The following CST7 variants were observed in gnomAD, a reference collection of about 807,000 sequenced individuals.
CST7 encodes cystatin-F.
A neutral mutation model predicts 13.1 loss-of-function variants in CST7; 15 were observed. That is an observed-to-expected ratio of 1.14 (90% CI 0.77 to 1.76). CST7 has a LOEUF of 1.76. Among genes scored for constraint, CST7 ranks in the 40% most tolerant of loss-of-function variants. CST7 has a pLI of 0.00. For missense variants in CST7, 193 were observed against 178.8 expected (o/e 1.08, Z -0.45); for synonymous variants, 75 against 66.9 (o/e 1.12, Z -0.59).
At chr20:24,958,765 C>T (rs1213160546) in intron 2 of CST7, among the ~76,000 whole-genome samples, 163 bp from the exon 3 acceptor site, 1 of 152,130 alleles carries the variant, frequency 6.6e-6, no homozygotes, top group Non-Finnish European at 1.5e-5. Context: ...TGGGAGGGGT[C>T]TGCAGGCTCT....
At chr20:24,953,723 G>A (rs914140234) in intron 1 of CST7, among the ~76,000 whole-genome samples, 7 of 152,204 alleles carry the variant, frequency 4.6e-5, no homozygotes, top group African/African-American at 1.7e-4. Context: ...GGGTCAGGCT[G>A]CCCCGGCAGG....
rs1002083702 is a variant in CST7 at position 24,949,563 on chromosome 20, G to A, written c.58G>A (p.Gly20Ser). Residue 20 changes from glycine (G) to serine (S), a missense_variant, in exon 1 of 4, where the codon GGC becomes AGC. Transcript: ENST00000480798. The part of the protein sequence containing the change: ...FCCLVLSTTG[G>S]PSPDTCSQDL... ...CTGCCTGGTCTTGAGCACCACTGGG[G>A]GCCCTTCCCCAGGTAAGTGGCGTTC... The A allele has an allele frequency of 3.7e-6, 6 of 1,614,094 alleles. No homozygotes were observed. The highest frequency in any genetic ancestry group is 5.1e-6 in the Non-Finnish European group (6 of 1,180,026).
intron 1 of CST7, among the ~76,000 whole-genome samples, chr20:24,955,712 G>A (rs998818856): frequency 6.6e-6 from 1 of 152,204 alleles, no homozygotes; most frequent in Non-Finnish European, 1.5e-5. Flanking sequence ...GCCTCCCAAA[G>A]TGCTGGGATT....
intron 1 of CST7, among the ~76,000 whole-genome samples, chr20:24,952,164 T>C (rs1312817647): frequency 6.6e-6 from 1 of 152,238 alleles, no homozygotes; most frequent in East Asian, 1.9e-4. Context: ...GATATATTGA[T>C]AATGATTACA....
At chr20:24,950,926 A>T (rs2087815150) in intron 1 of CST7, among the ~76,000 whole-genome samples, 1 of 152,126 alleles carries the variant, frequency 6.6e-6, no homozygotes, top group African/African-American at 2.4e-5. Context: ...CCTGGAGGGG[A>T]CATGGAGCCA....
At chr20:24,956,131 C>A (rs959751432) in intron 1 of CST7, among the ~76,000 whole-genome samples, 3 of 152,196 alleles carry the variant, frequency 2.0e-5, no homozygotes, top group Admixed American at 6.5e-5. Flanking sequence ...CCACTCCCGG[C>A]GCTGCACCAC....
intron 1 of CST7, among the ~76,000 whole-genome samples, chr20:24,952,078 C>T (rs2087822729): frequency 6.6e-6 from 1 of 152,262 alleles, no homozygotes; most frequent in African/African-American, 2.4e-5. Context: ...GAGCCACCGT[C>T]TACGTGGCAA....
intron 1 of CST7, among the ~76,000 whole-genome samples, chr20:24,953,130 T>C (rs578097029): frequency 6.6e-6 from 1 of 152,212 alleles, no homozygotes; most frequent in Non-Finnish European, 1.5e-5. Flanking sequence ...GCTTCACATC[T>C]GCACCCCATT....
chr20:24,950,611 G>A (rs1217673560), intron 1 of CST7, among the ~76,000 whole-genome samples: 3 of 152,178 alleles, frequency 2.0e-5, no homozygotes, highest in Non-Finnish European at 2.9e-5. Flanking sequence ...ACATGCCACC[G>A]CCACCAGCTC....
chr20:24,957,031 GCAGGTGAGA>G (rs2087860834), intron 1 of CST7, among the ~76,000 whole-genome samples: 2 of 1,302 alleles, frequency 1.5e-3, no homozygotes, highest in African/African-American at 3.4e-3. Flanking sequence ...GGTGAGGGGA[GCAGGTGAGA>G]GGGGGCAGGT....
chr20:24,949,323 C>T lies in CST7; in HGVS notation c.-183C>T. On this transcript the variant is annotated 5_prime_UTR_variant, in exon 1 of 4. Transcript: ENST00000480798. Reference sequence around the variant, plus strand: ...CACAGGCACAAACCATTGCCCGGCACTGGCCCGTGCTGCCTGAGAAGGATT... The same window carrying T: ...CACAGGCACAAACCATTGCCCGGCATTGGCCCGTGCTGCCTGAGAAGGATT... 1 of 1,514,794 alleles carries T rather than the reference C, an allele frequency of 6.6e-7. No individual in the cohort carries two copies. The highest frequency in any genetic ancestry group is 1.4e-5 in the African/African-American group (1 of 72,524). The allele number at this position is 1,514,794 out of a possible 1,614,324, so 93.8% of individuals were successfully genotyped here.
rs1477622935 is a variant in CST7 at position 24,957,423 on chromosome 20, G to A, written c.207G>A (p.Leu69=). The A allele has an allele frequency of 3.1e-6, 5 of 1,613,676 alleles. No individual in the cohort carries two copies. The highest frequency in any genetic ancestry group is 4.2e-6 in the Non-Finnish European group (5 of 1,179,776). ...ACAACTGCACGAACGACATGTTCTT[G>A]TTCAAGGAGTCCCGCATCACAAGGG... is the stretch of plus-strand genomic sequence containing the variant. ...KFNNCTNDMF[L]FKESRITRAL... Residue 69 remains leucine (L), a synonymous_variant, in exon 2 of 4, where the codon TTG becomes TTA. Transcript: ENST00000480798.
chr20:24,959,111 G>A (rs1490220223), intron 3 of CST7, 67 bp downstream of exon 3: 4 of 1,252,166 alleles, frequency 3.2e-6, no homozygotes, highest in African/African-American at 2.9e-5. Flanking sequence ...CCAGGACTGT[G>A]AAAAACACCG....
chr20:24,955,776 G>A (rs1296540106), intron 1 of CST7, among the ~76,000 whole-genome samples: 1 of 152,294 alleles, frequency 6.6e-6, no homozygotes, highest in African/African-American at 2.4e-5. Context: ...CAGTTTCAGG[G>A]GGGATGTGTG....
chr20:24,952,885 C>T (rs2087828757), intron 1 of CST7, among the ~76,000 whole-genome samples: 1 of 152,236 alleles, frequency 6.6e-6, no homozygotes, highest in South Asian at 2.1e-4. Flanking sequence ...ATGCCAGCCC[C>T]CGCTGTGCCC....
rs747979176 is a variant in CST7 at position 24,957,312 on chromosome 20, AC to A, written c.97del (p.Arg33ValfsTer2). ...ATACTTGTTCCCAGGACCTTAACTC[AC>A]GTGTGAAGCCAGGATTTCCTAAAAC... ...PDTCSQDLNS[R>X]VKPGFPKTIK... On this transcript the variant is annotated frameshift_variant, in exon 2 of 4. Transcript: ENST00000480798. LOFTEE classifies it high-confidence loss of function. 407 of 1,613,310 alleles carry A rather than the reference AC, an allele frequency of 2.5e-4. 2 individuals carry two copies. The highest frequency in any genetic ancestry group is 8.7e-4 in the Admixed American group (52 of 59,942).
chr20:24,955,828 C>G (rs1008181490), intron 1 of CST7, among the ~76,000 whole-genome samples: 1 of 152,156 alleles, frequency 6.6e-6, no homozygotes, highest in Non-Finnish European at 1.5e-5. Context: ...GGCATGCCAG[C>G]GCAGGACACA....
rs1305301305 is a variant in CST7, at chr20:24,957,793, T to C, written c.243+334T>C. Among the ~76,000 whole-genome samples the C allele has an allele frequency of 3.3e-5, 5 of 152,294 alleles. 1 individual carries two copies. Among genetic ancestry groups the C allele is most frequent in the African/African-American group, 1.2e-4 (5 of 41,570 alleles). ...CAAGGCTGATGGGGGAGAAAGCCGCTGTCCGAGGAGCTGCCCCTGCTGGGA... is the reference window on the plus strand; with the variant it reads ...CAAGGCTGATGGGGGAGAAAGCCGCCGTCCGAGGAGCTGCCCCTGCTGGGA... On this transcript the variant is annotated intron_variant, in intron 2 of 3. Transcript: ENST00000480798.
chr20:24,955,278 G>A (rs1324408641), intron 1 of CST7, among the ~76,000 whole-genome samples: 2 of 152,104 alleles, frequency 1.3e-5, no homozygotes, highest in Admixed American at 6.5e-5. Context: ...CCTCCTTCCT[G>A]ATGGTAACAC....
Sources: allele counts gnomAD v4.1 joint callset (sites outside exome capture counted in the v4.1 genomes callset), GRCh38; gene constraint gnomAD v4.1.1; transcripts MANE v1.5; gene names NCBI Gene and HGNC (gene_info 2026-07-23, HGNC 2026-07-21).